SIPA1L3: variants seen among roughly 807,000 people sequenced by gnomAD.
SIPA1L3 encodes signal-induced proliferation-associated 1-like protein 3.
Under a neutral mutation model 150.1 loss-of-function variants are expected in SIPA1L3, and 59 were observed. The ratio of observed to expected loss-of-function variants is 0.39; its 90% CI spans 0.32 to 0.49. The LOEUF is 0.49. Among genes scored for constraint, SIPA1L3 ranks in the 20% least tolerant of loss-of-function variants. The pLI is 0.86. For missense variants in SIPA1L3, 2,211 were observed against 2,489.5 expected, an observed-to-expected ratio of 0.89 and a Z score of 2.38; for synonymous variants, 1,070 against 1,077.6, an observed-to-expected ratio of 0.99 and a Z score of 0.14.
At chr19:38,028,198 A>G (rs1271588746) in intron 1 of SIPA1L3, among the ~76,000 whole-genome samples, 1 of 152,198 alleles carries the variant, frequency 6.6e-6, no homozygotes, top group African/African-American at 2.4e-5. Context: ...TAAATATTCA[A>G]AGGCATAAAT....
At chr19:38,186,202 T>C (rs1972674414) in intron 16 of SIPA1L3, 1 of 152,230 alleles carries the variant, frequency 6.6e-6, no homozygotes, top group Admixed American at 6.5e-5. Flanking sequence ...CTTGTATATG[T>C]GTGTGTTGGT....
chr19:37,925,476 G>A (rs1009302153), intron 1 of SIPA1L3, among the ~76,000 whole-genome samples: 7 of 152,158 alleles, frequency 4.6e-5, no homozygotes, highest in African/African-American at 7.2e-5. Flanking sequence ...GCCCAGGAGA[G>A]TGGGAGGGAT....
intron 1 of SIPA1L3, among the ~76,000 whole-genome samples, chr19:37,939,372 C>T (rs1307993988): frequency 6.8e-6 from 1 of 146,452 alleles, no homozygotes; most frequent in African/African-American, 2.6e-5. Flanking sequence ...TGCACTCCAG[C>T]CTGGGCGACA....
At chr19:38,122,265 C>A (rs2145901113) in intron 9 of SIPA1L3, among the ~76,000 whole-genome samples, 1 of 152,262 alleles carries the variant, frequency 6.6e-6, no homozygotes, top group South Asian at 2.1e-4. Context: ...CCCCACCCCT[C>A]TCAGAGGTTT....
chr19:38,133,575 T>C (rs1335743547), intron 10 of SIPA1L3, among the ~76,000 whole-genome samples: 1 of 151,812 alleles, frequency 6.6e-6, no homozygotes, highest in Non-Finnish European at 1.5e-5. Context: ...CCTCATGGAG[T>C]GAGGCCCCAA....
Position 38,110,267 on chromosome 19 carries a change from T to C in SIPA1L3, c.2174T>C (p.Ile725Thr). The change falls in exon 8 of 22, where the codon ATC becomes ACC. Residue 725 changes from isoleucine (I) to threonine (T), a missense_variant. Physicochemically the swap from Ile to Thr is moderately conservative, Grantham distance 89. Transcript: ENST00000222345. ...KRHIGNDIVTIIFQEPGALPF... is the reference protein window; with the variant it reads ...KRHIGNDIVTTIFQEPGALPF... ...CACATAGGAAATGACATCGTGACGA[T>C]CATCTTCCAGGAGCCTGGCGCGCTA... 6.2e-7 allele frequency: 1 copy of C among 1,614,078 alleles called. No individual in the cohort carries two copies. The highest frequency in any genetic ancestry group is 8.5e-7 in the Non-Finnish European group (1 of 1,180,014).
In SIPA1L3 at chr19:38,081,514, T is replaced by C; in HGVS notation, c.-52T>C. On this transcript the variant is annotated 5_prime_UTR_variant, in exon 3 of 22. It removes the in-frame stop codon of an upstream open reading frame in the 5' UTR. Transcript: ENST00000222345. ...AATGGCTGAGGGCTGGGGGACCCCA[T>C]AGAGTGACACCACAGCGTACGGGGC... The C allele has an allele frequency of 2.7e-6, 4 of 1,500,836 alleles. No individual in the cohort carries two copies. The highest frequency in any genetic ancestry group is 2.6e-5 in the South Asian group (2 of 78,230). The allele number at this position is 1,500,836 out of a possible 1,614,324, so 93.0% of individuals were successfully genotyped here.
intron 15 of SIPA1L3, among the ~76,000 whole-genome samples, chr19:38,176,381 T>G (rs895903223): frequency 6.6e-6 from 1 of 152,000 alleles, no homozygotes; most frequent in African/African-American, 2.4e-5. Flanking sequence ...TGGTTTTTTT[T>G]TTGTTTTTTT....
In SIPA1L3 at chr19:38,081,952, C is replaced by T. The variant is rs758254614; in HGVS notation, c.387C>T (p.Thr129=). The T allele has an allele frequency of 1.9e-6, 3 of 1,614,002 alleles. No individual in the cohort carries two copies. Among genetic ancestry groups the T allele is most frequent in the African/African-American group, 1.3e-5 (1 of 74,938 alleles). ...AGAACGGACAGCCCCCCACCAGCAC[C>T]CCGGCTTCCTCAGGGTCCAAAGCCT... ...SIQNGQPPTS[T]PASSGSKAFH... The change falls in exon 3 of 22, where the codon ACC becomes ACT. Residue 129 remains threonine, a synonymous_variant. Transcript: ENST00000222345.
intron 9 of SIPA1L3, among the ~76,000 whole-genome samples, chr19:38,125,867 G>A (rs1464198494): frequency 6.6e-6 from 1 of 152,154 alleles, no homozygotes; most frequent in Non-Finnish European, 1.5e-5. Context: ...GCTCCTCTCT[G>A]GGACAGATAT....
chr19:38,110,726 C>A (rs1466839541), intron 8 of SIPA1L3, among the ~76,000 whole-genome samples: 1 of 152,158 alleles, frequency 6.6e-6, no homozygotes, highest in African/African-American at 2.4e-5. Flanking sequence ...CACCGCCCTC[C>A]TGGGGGTCAC....
chr19:37,976,262 C>T (rs1183624098), intron 1 of SIPA1L3, among the ~76,000 whole-genome samples: 1 of 152,050 alleles, frequency 6.6e-6, no homozygotes, highest in African/African-American at 2.4e-5. Flanking sequence ...CTTGGGTCTT[C>T]GTCTTGTTGT....
intron 2 of SIPA1L3, among the ~76,000 whole-genome samples, chr19:38,030,921 T>C (rs769325620): frequency 3.6e-4 from 55 of 152,060 alleles, no homozygotes; most frequent in Non-Finnish European, 6.5e-4. Context: ...GATTGTGGCA[T>C]TCAGACCCTG....
chr19:38,187,995 C>CAAA (rs919508675), intron 16 of SIPA1L3, among the ~76,000 whole-genome samples: 1 of 135,342 alleles, frequency 7.4e-6, no homozygotes, highest in Non-Finnish European at 1.6e-5. Flanking sequence ...GACTCTGTCT[C>CAAA]AAAAAAAAAA....
In SIPA1L3 at chr19:38,082,853, T is replaced by C; in HGVS notation, c.1288T>C (p.Phe430Leu). 6.2e-7 allele frequency: 1 copy of C among 1,613,656 alleles called. No homozygotes were observed. The highest frequency in any genetic ancestry group is 8.5e-7 in the Non-Finnish European group (1 of 1,179,904). The change falls in exon 3 of 22, where the codon TTC becomes CTC. Residue 430 changes from phenylalanine (F) to leucine (L), a missense_variant. This residue lies in a region of SIPA1L3 where 587 missense variants were observed against 534.5 expected (regional missense o/e 1.10). Coordinates refer to ENST00000222345, the MANE Select transcript of SIPA1L3 (RefSeq NM_015073.3). ...CGACCTGCTGCTCAGCTGCCCGCAC[T>C]TCCGCAATGAGATCGGGGGCGAGTG... is the stretch of plus-strand genomic sequence containing the variant. ...SNDLLLSCPHFRNEIGGECER... is the reference protein window; with the variant it reads ...SNDLLLSCPHLRNEIGGECER...
chr19:37,973,558 G>GGC (rs1173386641), intron 1 of SIPA1L3, among the ~76,000 whole-genome samples: 2 of 139,238 alleles, frequency 1.4e-5, no homozygotes, highest in African/African-American at 5.6e-5. Flanking sequence ...AAAAAAAGCG[G>GGC]GAGGGGGGCG....
rs1431422513 is a variant in SIPA1L3 at position 38,047,694 on chromosome 19, G to T, written c.-311+18538G>T. Among the ~76,000 whole-genome samples the T allele has an allele frequency of 1.3e-5, 2 of 152,168 alleles. No homozygotes were observed. The highest frequency in any genetic ancestry group is 3.9e-4 in the East Asian group (2 of 5,180). On this transcript the variant is annotated intron_variant, in intron 2 of 21. Transcript: ENST00000222345. The surrounding 1 kb of genome is among the most constrained non-coding windows in gnomAD (Gnocchi z 4.7). ...CCTGCCACACTGGTATCTTTCCCTT[G>T]ATGCTGACGGAGGGATGTGACACCG...
intron 1 of SIPA1L3, among the ~76,000 whole-genome samples, chr19:37,970,403 AGAGG>A (rs1032623782): frequency 2.0e-5 from 3 of 152,194 alleles, no homozygotes; most frequent in African/African-American, 7.2e-5. Flanking sequence ...TCCTATCTGA[AGAGG>A]CCAGGACAGG....
chr19:38,035,201 C>T (rs1968752246), intron 2 of SIPA1L3, among the ~76,000 whole-genome samples: 1 of 152,208 alleles, frequency 6.6e-6, no homozygotes, highest in African/African-American at 2.4e-5. Flanking sequence ...TTCAGTGAAA[C>T]TCTCACGACA....
Sources: gnomAD v4.1 joint callset for allele counts (sites outside exome capture counted in the v4.1 genomes callset) on GRCh38, gnomAD v4.1.1 for gene constraint, gnomAD v4.1.1 regional missense constraint, Gnocchi (gnomAD v3.1) non-coding constraint, MANE v1.5 for transcripts, NCBI Gene and HGNC (gene_info 2026-07-23, HGNC 2026-07-21) for gene names.